Variants in CDK14 observed in about 807,000 individuals in gnomAD.
CDK14 encodes the protein cyclin dependent kinase 14.
In CDK14, 34 loss-of-function variants were observed where a neutral mutation model predicts 60.7. That is an observed-to-expected ratio of 0.56 (90% CI 0.43 to 0.75). The LOEUF (loss-of-function observed/expected upper bound fraction) is 0.75. CDK14 is among the 30% of genes least tolerant of loss of function. The pLI, the probability that CDK14 is intolerant of heterozygous loss-of-function variation, is 0.00. For missense variants in CDK14, 482 were observed against 564.1 expected (o/e 0.85, Z 1.47); for synonymous variants, 197 against 203.7 (o/e 0.97, Z 0.28).
At chr7:90,615,106 T>C (rs1799623387) in intron 2 of CDK14, among the ~76,000 whole-genome samples, 1 of 152,168 alleles carries the variant, frequency 6.6e-6, no homozygotes, top group Non-Finnish European at 1.5e-5. Context: ...ATGAATCTTA[T>C]GTGTATGAGT....
At chr7:91,169,441 A>T (rs1409496764) in intron 14 of CDK14, among the ~76,000 whole-genome samples, 1 of 152,224 alleles carries the variant, frequency 6.6e-6, no homozygotes, top group Non-Finnish European at 1.5e-5. Flanking sequence ...TACAAGCATG[A>T]TCATGCTACT....
chr7:90,749,091 T>A (rs1400948813), intron 4 of CDK14, among the ~76,000 whole-genome samples: 3 of 152,198 alleles, frequency 2.0e-5, no homozygotes. Flanking sequence ...TCAAGAAAGA[T>A]ATGTAAGGCA....
chr7:90,878,093 T>TGTGTGTGTGTGA (rs1237217822), intron 6 of CDK14, among the ~76,000 whole-genome samples: 16 of 149,658 alleles, frequency 1.1e-4, no homozygotes, highest in Non-Finnish European at 2.4e-4. Flanking sequence ...TGTGTGTGTG[T>TGTGTGTGTGTGA]GAGAGAGAGA....
rs573370536 is a variant in CDK14 at position 90,930,237 on chromosome 7, T to TA, written c.826+12522dup. ...GAAGGAGTATTCTTGTAATTGTCAG[T>TA]AAAAAAAAATGCATAGATTGCCAAA... On this transcript the variant is annotated intron_variant, in intron 8 of 14. Coordinates refer to ENST00000380050, the MANE Select transcript of CDK14 (RefSeq NM_001287135.2). Among the ~76,000 whole-genome samples, 361 of 150,772 alleles carry TA rather than the reference T, an allele frequency of 2.4e-3. 3 individuals are homozygous for TA. The highest frequency in any genetic ancestry group is 7.8e-3 in the African/African-American group (323 of 41,250).
In CDK14 at chr7:91,114,799, A is replaced by G. The variant is rs542449918; in HGVS notation, c.1294+2118A>G. Among the ~76,000 whole-genome samples the G allele has an allele frequency of 8.2e-4, 125 of 152,274 alleles. 1 individual carries two copies. The highest frequency in any genetic ancestry group is 2.8e-3 in the African/African-American group (118 of 41,566). On this transcript the variant is annotated intron_variant, in intron 13 of 14. Transcript: ENST00000380050. ...GCAAGAAAGGACAATCCCAGTATTA[A>G]ATACTATAGTCATTTCCATTTAGAA...
intron 9 of CDK14, among the ~76,000 whole-genome samples, chr7:90,971,065 C>A (rs867157046): frequency 6.6e-6 from 1 of 152,118 alleles, no homozygotes. Context: ...AATGCCATCC[C>A]TCCCCGCTCC....
intron 10 of CDK14, among the ~76,000 whole-genome samples, chr7:90,995,416 G>A (rs1795656513): frequency 6.6e-6 from 1 of 152,144 alleles, no homozygotes; most frequent in Non-Finnish European, 1.5e-5. Flanking sequence ...TGAGCCAAAG[G>A]CACCTAGCCA....
intron 13 of CDK14, among the ~76,000 whole-genome samples, chr7:91,114,566 G>A (rs142733120): frequency 3.9e-5 from 6 of 152,244 alleles, no homozygotes; most frequent in Non-Finnish European, 5.9e-5. Flanking sequence ...AAGCATAACC[G>A]TAAGGCGATA....
At chr7:90,644,751 GCC>G (rs1040851958) in intron 2 of CDK14, among the ~76,000 whole-genome samples, 30 of 152,292 alleles carry the variant, frequency 2.0e-4, no homozygotes, top group African/African-American at 7.2e-4. Context: ...GGGAAGTGCA[GCC>G]CAGAGTGGTC....
chr7:90,807,301 C>G (rs774834051), intron 5 of CDK14, among the ~76,000 whole-genome samples: 6 of 152,214 alleles, frequency 3.9e-5, no homozygotes, highest in Admixed American at 6.5e-5. Context: ...GCAACATTTG[C>G]TGTTCACCAA....
chr7:90,644,077 T>G (rs1430798783), intron 2 of CDK14, among the ~76,000 whole-genome samples: 2 of 152,280 alleles, frequency 1.3e-5, no homozygotes, highest in South Asian at 4.1e-4. Flanking sequence ...GTTGAAGAGA[T>G]AACAGAGAAC....
chr7:90,678,641 T>A (rs1049399925), intron 2 of CDK14, among the ~76,000 whole-genome samples: 5 of 151,054 alleles, frequency 3.3e-5, no homozygotes, highest in Non-Finnish European at 7.4e-5. Flanking sequence ...GCATAACCTT[T>A]TCATTTTTTT....
chr7:90,971,649 A>G (rs1325436556), intron 9 of CDK14, among the ~76,000 whole-genome samples: 1 of 134,578 alleles, frequency 7.4e-6, no homozygotes, highest in East Asian at 2.1e-4. Flanking sequence ...CTGCATATAC[A>G]TAGTAAAAAA....
chr7:91,104,086 GTT>G (rs1241599901), intron 12 of CDK14, among the ~76,000 whole-genome samples: 1 of 151,950 alleles, frequency 6.6e-6, no homozygotes, highest in South Asian at 2.1e-4. Context: ...TTTTAAAAGA[GTT>G]TCCATGAACA....
intron 14 of CDK14, among the ~76,000 whole-genome samples, chr7:91,152,495 A>G (rs2115693739): frequency 6.6e-6 from 1 of 152,286 alleles, no homozygotes; most frequent in African/African-American, 2.4e-5. Flanking sequence ...TGTTGCATTC[A>G]TAAGTCATGT....
chr7:90,899,371 TA>T lies in CDK14; in HGVS notation c.702+20del, dbSNP rs1203773099. The T allele has an allele frequency of 6.3e-7, 1 of 1,583,618 alleles. No individual in the cohort carries two copies. The highest frequency in any genetic ancestry group is 1.2e-5 in the South Asian group (1 of 85,724). Reference sequence around the variant, plus strand: ...ATGTGAAGGTAGGAAAAGATCTTTTTAAGCCAAAGGTTAGCATTCTTGATGT... The same window carrying T: ...ATGTGAAGGTAGGAAAAGATCTTTTTAGCCAAAGGTTAGCATTCTTGATGT... On this transcript the variant is annotated intron_variant, in intron 7 of 14. Coordinates refer to ENST00000380050, the MANE Select transcript of CDK14 (RefSeq NM_001287135.2).
At chr7:90,743,360 A>G (rs1803432063) in intron 3 of CDK14, among the ~76,000 whole-genome samples, 1 of 152,126 alleles carries the variant, frequency 6.6e-6, no homozygotes, top group Admixed American at 6.5e-5. Context: ...CTTAATTTCT[A>G]ATTTAATTGC....
intron 12 of CDK14, among the ~76,000 whole-genome samples, chr7:91,102,893 A>G (rs1799184175): frequency 6.6e-6 from 1 of 152,170 alleles, no homozygotes; most frequent in South Asian, 2.1e-4. Context: ...ATAACCATTG[A>G]TATACTCATT....
At chr7:90,930,307 T>C (rs985811191) in intron 8 of CDK14, among the ~76,000 whole-genome samples, 2 of 152,180 alleles carry the variant, frequency 1.3e-5, no homozygotes, top group African/African-American at 4.8e-5. Flanking sequence ...CCTTAGCAGA[T>C]TGATAAATCA....
Sources: allele counts gnomAD v4.1 joint callset (sites outside exome capture counted in the v4.1 genomes callset), GRCh38; gene constraint gnomAD v4.1.1; transcripts MANE v1.5; gene names NCBI Gene and HGNC (gene_info 2026-07-23, HGNC 2026-07-21).